The following TRAK1 variants were observed in gnomAD, a reference collection of about 807,000 sequenced individuals.
TRAK1 encodes trafficking kinesin protein 1.
A neutral mutation model predicts 92.1 loss-of-function variants in TRAK1; 33 were observed. That is an observed-to-expected ratio of 0.36 (90% CI 0.27 to 0.48). TRAK1 has a LOEUF of 0.48. Among genes scored for constraint, TRAK1 ranks in the 20% least tolerant of loss-of-function variants. The pLI is 0.99. For missense variants in TRAK1, 1,123 were observed against 1,257.9 expected, an observed-to-expected ratio of 0.89 and a Z score of 1.62; for synonymous variants, 521 against 517.3, an observed-to-expected ratio of 1.01 and a Z score of -0.10.
chr3:42,204,196 G>A (rs1708060705), intron 13 of TRAK1: 1 of 985,618 alleles, frequency 1.0e-6, no homozygotes, highest in Middle Eastern at 5.2e-4. Flanking sequence ...TTTACTTTCT[G>A]CCTTACTTTT....
At chr3:42,139,816 C>T (rs530385056) in intron 2 of TRAK1, among the ~76,000 whole-genome samples, 1 of 152,306 alleles carries the variant, frequency 6.6e-6, no homozygotes, top group Non-Finnish European at 1.5e-5. Context: ...GCTCAGCTCA[C>T]ACTCCACCTC....
At chr3:42,146,671 C>T (rs191426037) in intron 2 of TRAK1, among the ~76,000 whole-genome samples, 72 of 152,370 alleles carry the variant, frequency 4.7e-4, no homozygotes, top group Admixed American at 1.7e-3. Context: ...CCTCCAGCTT[C>T]AGCCTCCCAA....
At chr3:42,116,034 T>G (rs978956557) in intron 1 of TRAK1, among the ~76,000 whole-genome samples, 3 of 152,224 alleles carry the variant, frequency 2.0e-5, no homozygotes, top group African/African-American at 7.2e-5. Flanking sequence ...TGAAAGGCAG[T>G]AATAGATACA....
In TRAK1 at chr3:42,188,157, G is replaced by A; in HGVS notation, c.581+12G>A. 2 of 1,613,858 alleles carry A rather than the reference G, an allele frequency of 1.2e-6. No homozygotes were observed. The highest frequency in any genetic ancestry group is 1.7e-6 in the Non-Finnish European group (2 of 1,179,792). On this transcript the variant is annotated intron_variant, in intron 5 of 15. Coordinates refer to ENST00000327628, the MANE Select transcript of TRAK1 (RefSeq NM_001042646.3). The stretch of plus-strand genomic sequence containing the variant: ...GTTTGCTCAACCCCGTAAGTCACCA[G>A]AGGGCTGTATTTCTGGAGGCCAGAG...
chr3:42,021,647 C>A (rs1023685498), intron 1 of TRAK1, among the ~76,000 whole-genome samples: 3 of 152,122 alleles, frequency 2.0e-5, no homozygotes, highest in Non-Finnish European at 4.4e-5. Context: ...CACGATCTTG[C>A]CTCCCTTCAA....
chr3:42,044,163 T>C (rs1406947127), intron 1 of TRAK1, among the ~76,000 whole-genome samples: 1 of 152,200 alleles, frequency 6.6e-6, no homozygotes, highest in Non-Finnish European at 1.5e-5. Flanking sequence ...CTTTTCATTT[T>C]ATTTATTTAT....
chr3:42,128,735 C>T (rs1710913714), intron 2 of TRAK1, among the ~76,000 whole-genome samples: 1 of 152,202 alleles, frequency 6.6e-6, no homozygotes, highest in African/African-American at 2.4e-5. Flanking sequence ...TCATGTCATG[C>T]TTCAGTGGAA....
chr3:42,224,004 G>A lies in TRAK1; in HGVS notation c.*267G>A. The A allele has an allele frequency of 4.8e-6, 3 of 619,828 alleles. No individual in the cohort carries two copies. The highest frequency in any genetic ancestry group is 9.0e-6 in the Non-Finnish European group (3 of 334,926). 38.4% of individuals were successfully genotyped at this position (619,828 alleles called of 1,614,324 possible). ...CCTGCACTGTCATCACTCTCACGAG[G>A]ACGTCACCTGTGCTAACCTGGGGGA... On this transcript the variant is annotated 3_prime_UTR_variant, in exon 16 of 16. Coordinates refer to ENST00000327628, the MANE Select transcript of TRAK1 (RefSeq NM_001042646.3).
rs1407403250 is a variant in TRAK1, at chr3:42,202,516, C to A, written c.1508C>A (p.Ser503Tyr). 1 of 1,538,854 alleles carries A rather than the reference C, an allele frequency of 6.5e-7. No individual in the cohort carries two copies. Among genetic ancestry groups the A allele is most frequent in the African/African-American group, 1.4e-5 (1 of 72,874 alleles). Residue 503 changes from serine to tyrosine, a missense_variant, in exon 13 of 16, where the codon TCC becomes TAC. Physicochemically the swap from Ser to Tyr is moderately radical, Grantham distance 144. Transcript: ENST00000327628. This position sits in a 1 kb window ranked among gnomAD's most constrained non-coding sequence, Gnocchi z 6.1. ...HDLETALRRL[S>Y]LRRENYLSER... The stretch of plus-strand genomic sequence containing the variant: ...CTGGAGACGGCGCTGAGGCGGCTGT[C>A]CCTGCGCCGGGAGAACTACCTCTCG...
rs118019488 is a variant in TRAK1 at position 42,123,940 on chromosome 3, C to T, written c.92-1480C>T. Among the ~76,000 whole-genome samples the T allele has an allele frequency of 6.0e-3, 907 of 152,140 alleles. 33 individuals carry two copies. The East Asian group carries it at 0.11, about 18-fold the overall frequency. ...GGAGGATTGCGTGAGCCCAGGAGTTCGAGACCCACCTGGGCAACATAGGGA... is the reference window on the plus strand; with the variant it reads ...GGAGGATTGCGTGAGCCCAGGAGTTTGAGACCCACCTGGGCAACATAGGGA... On this transcript the variant is annotated intron_variant, in intron 1 of 15. Transcript: ENST00000327628.
At chr3:42,013,696 C>A (rs1701397309), upstream of TRAK1, 1 of 147,272 alleles carries the variant, frequency 6.8e-6, no homozygotes, top group South Asian at 1.8e-4. This position sits in a 1 kb window ranked among gnomAD's most constrained non-coding sequence, Gnocchi z 5.1. Context: ...CAACAGTGCC[C>A]GCGTCCGCAG....
chr3:42,225,185 T>C lies in TRAK1; in HGVS notation c.*1448T>C, dbSNP rs922026415. On this transcript the variant is annotated 3_prime_UTR_variant, in exon 16 of 16. Coordinates refer to ENST00000327628, the MANE Select transcript of TRAK1 (RefSeq NM_001042646.3). ...CAACCATGTGACTTATTTATTCTAA[T>C]TTGAGGGCTGCACTGTACACCATGG... 1 of 152,230 alleles carries C rather than the reference T, an allele frequency of 6.6e-6. No homozygotes were observed. Among genetic ancestry groups the C allele is most frequent in the African/African-American group, 2.4e-5 (1 of 41,446 alleles). 9.4% of individuals were successfully genotyped at this position (152,230 alleles called of 1,614,324 possible). A position where few individuals can be genotyped will look rare whatever the true frequency, so the allele number is the denominator to read the frequency against.
rs79802817 is a variant in TRAK1 at position 42,138,659 on chromosome 3, G to A, written c.286+13045G>A. The stretch of plus-strand genomic sequence containing the variant: ...CCCAGCACTCCCGGGGGCTGAGGCA[G>A]GAGGATTGCCTGAATCCAGGAGTTC... On this transcript the variant is annotated intron_variant, in intron 2 of 15. Coordinates refer to ENST00000327628, the MANE Select transcript of TRAK1 (RefSeq NM_001042646.3). Among the ~76,000 whole-genome samples the A allele has an allele frequency of 9.3e-3, 1,408 of 151,338 alleles. 31 individuals are homozygous for A. Among genetic ancestry groups the A allele is most frequent in the African/African-American group, 0.032 (1,331 of 41,158 alleles).
At chr3:42,127,063 A>C (rs745430526) in intron 2 of TRAK1, among the ~76,000 whole-genome samples, 3 of 152,208 alleles carry the variant, frequency 2.0e-5, no homozygotes, top group Non-Finnish European at 2.9e-5. Flanking sequence ...GGCTCTTAGC[A>C]AGTCATTTTG....
At chr3:42,062,877 G>A (rs920397475) in intron 1 of TRAK1, among the ~76,000 whole-genome samples, 5 of 152,172 alleles carry the variant, frequency 3.3e-5, no homozygotes, top group African/African-American at 1.2e-4. Flanking sequence ...GTGAAGGCGT[G>A]TTTGTCTTAT....
At chr3:42,153,235 C>G (rs1700142777) in intron 2 of TRAK1, among the ~76,000 whole-genome samples, 3 of 152,052 alleles carry the variant, frequency 2.0e-5, no homozygotes, top group South Asian at 4.2e-4. Flanking sequence ...GACATCCTGT[C>G]TGTACAAAAA....
intron 2 of TRAK1, among the ~76,000 whole-genome samples, chr3:42,166,563 C>A (rs937932864): frequency 2.0e-5 from 3 of 152,182 alleles, no homozygotes; most frequent in Non-Finnish European, 2.9e-5. Context: ...ATGTTGTGGG[C>A]TTCTTCTGAG....
At chr3:42,060,742 C>T (rs1023892888) in intron 1 of TRAK1, among the ~76,000 whole-genome samples, 2 of 151,680 alleles carry the variant, frequency 1.3e-5, no homozygotes, top group Non-Finnish European at 2.9e-5. Flanking sequence ...ATTCTCCTGC[C>T]TCAGCCTCCT....
chr3:42,085,728 T>G (rs1704640401), upstream of TRAK1, among the ~76,000 whole-genome samples: 1 of 152,246 alleles, frequency 6.6e-6, no homozygotes, highest in South Asian at 2.1e-4. Flanking sequence ...ACACTTTTTT[T>G]GTGGGTGTGG....
Sources: allele counts gnomAD v4.1 joint callset (sites outside exome capture counted in the v4.1 genomes callset), GRCh38; gene constraint gnomAD v4.1.1; non-coding constraint Gnocchi (gnomAD v3.1); transcripts MANE v1.5; gene names NCBI Gene and HGNC (gene_info 2026-07-23, HGNC 2026-07-21).